The following SLC3A1 variants were observed in gnomAD, a reference collection of about 807,000 sequenced individuals.
SLC3A1 encodes the protein amino acid transporter heavy chain SLC3A1.
SLC3A1 carries 78 observed loss-of-function variants against 60.3 expected under a neutral mutation model. The observed-to-expected ratio is 1.29, with a 90% CI of 1.08 to 1.56. The LOEUF (loss-of-function observed/expected upper bound fraction) is 1.56, where lower values mean the gene tolerates loss of function less well. SLC3A1 is among the 40% of genes most tolerant of loss of function. SLC3A1 has a pLI of 0.00. For synonymous variants in SLC3A1, 392 were observed against 307.9 expected (o/e 1.27, Z -2.86); for missense variants, 1,172 against 858.9 (o/e 1.36, Z -4.56).
Position 44,281,543 on chromosome 2 carries a change from T to G in SLC3A1, c.765+2T>G. The G allele has an allele frequency of 1.2e-6, 2 of 1,613,896 alleles. No individual in the cohort carries two copies. Among genetic ancestry groups the G allele is most frequent in the Non-Finnish European group, 1.7e-6 (2 of 1,179,804 alleles). On this transcript the variant is annotated splice_donor_variant, in intron 3 of 9. Transcript: ENST00000260649. LOFTEE classifies it high-confidence loss of function. Reference sequence around the variant, plus strand: ...AAAACCATTCCACCCAACAACTGGGTAAGTATCAACCTGTCTGACTTACAA... The same window carrying G: ...AAAACCATTCCACCCAACAACTGGGGAAGTATCAACCTGTCTGACTTACAA...
intron 4 of SLC3A1, among the ~76,000 whole-genome samples, chr2:44,298,609 C>T (rs1262150993): frequency 2.6e-5 from 4 of 152,220 alleles, no homozygotes; most frequent in African/African-American, 7.2e-5. Flanking sequence ...AACTCCTGGC[C>T]TCAAGTGATC....
At chr2:44,311,557 T>C (rs374639583) in intron 7 of SLC3A1, among the ~76,000 whole-genome samples, 3 of 152,158 alleles carry the variant, frequency 2.0e-5, no homozygotes, top group African/African-American at 7.2e-5. Flanking sequence ...TCCAGAAGTC[T>C]TGAGAAATCA....
chr2:44,290,097 A>T (rs1671708484), intron 4 of SLC3A1, among the ~76,000 whole-genome samples: 1 of 143,130 alleles, frequency 7.0e-6, no homozygotes, highest in Non-Finnish European at 1.5e-5. Flanking sequence ...TAATTTTTAT[A>T]TAGGGTGTGA....
rs199703245 is a variant in SLC3A1 at position 44,304,135 on chromosome 2, T to C, written c.1137-8T>C. ...CCCGATGACACTGAACCTTGTCAAC[T>C]CTTATAGGTTCATGGGGACTGAAGC... On this transcript the variant is annotated splice_region_variant and splice_polypyrimidine_tract_variant and intron_variant, in intron 6 of 9. Transcript: ENST00000260649. 3 of 1,613,138 alleles carry C rather than the reference T, an allele frequency of 1.9e-6. No homozygotes were observed. Among genetic ancestry groups the C allele is most frequent in the East Asian group, 2.2e-5 (1 of 44,870 alleles).
intron 7 of SLC3A1, 27 bp downstream of exon 7, chr2:44,304,365 T>C (rs1672098732): frequency 3.2e-6 from 5 of 1,554,664 alleles, no homozygotes; most frequent in Non-Finnish European, 4.4e-6. Context: ...GCAGAGTACA[T>C]AATGTGCTGC....
rs537939280 is a variant in SLC3A1 at position 44,305,857 on chromosome 2, G to A, written c.1332+1519G>A. On this transcript the variant is annotated intron_variant, in intron 7 of 9. Transcript: ENST00000260649. ...GTCTCATCGTTTAGGTCTCAGGTAG[G>A]TGTCACCACAGGAAGCCTTCTGGAG... Among the ~76,000 whole-genome samples the A allele has an allele frequency of 1.8e-4, 27 of 152,214 alleles. No individual in the cohort carries two copies. The South Asian group carries it at 3.9e-3, about 22-fold the overall frequency.
downstream of SLC3A1, chr2:44,321,983 T>G: frequency 7.3e-7 from 1 of 1,366,042 alleles, no homozygotes. Flanking sequence ...CCCCTCTTCT[T>G]TGAGTACTCA....
intron 7 of SLC3A1, among the ~76,000 whole-genome samples, chr2:44,306,765 C>T (rs1040933405): frequency 6.6e-6 from 1 of 151,940 alleles, no homozygotes; most frequent in Non-Finnish European, 1.5e-5. Context: ...TCATGTTGGC[C>T]AGGCTGGTCT....
At chr2:44,304,487 C>T (rs1477997208) in intron 7 of SLC3A1, 149 bp downstream of exon 7, 2 of 692,126 alleles carry the variant, frequency 2.9e-6, no homozygotes, top group Admixed American at 4.3e-5. Context: ...GTCACAGCCT[C>T]TGCCAGGTTC....
In SLC3A1 at chr2:44,299,962, C is replaced by T. The variant is rs1335328608; in HGVS notation, c.892-9C>T. On this transcript the variant is annotated splice_polypyrimidine_tract_variant and intron_variant, in intron 4 of 9. Transcript: ENST00000260649. ...AATGTAACCAAGCATTTTGCTTCTT[C>T]ATCTTTAGGAAATTTTACGGTTCTG... 6 of 1,613,848 alleles carry T rather than the reference C, an allele frequency of 3.7e-6. No homozygotes were observed. In the Admixed American group the frequency reaches 8.3e-5, roughly 22 times the overall value.
chr2:44,307,917 C>T (rs1031785886), intron 7 of SLC3A1, among the ~76,000 whole-genome samples: 2 of 152,164 alleles, frequency 1.3e-5, no homozygotes, highest in Non-Finnish European at 2.9e-5. Flanking sequence ...TTTATTCCAG[C>T]ACCACATGCT....
chr2:44,278,689 A>C (rs144073966), intron 1 of SLC3A1, among the ~76,000 whole-genome samples: 19 of 152,222 alleles, frequency 1.2e-4, no homozygotes, highest in African/African-American at 4.6e-4. Flanking sequence ...TCTGAACTAG[A>C]AGGAGAAAAC....
intron 7 of SLC3A1, among the ~76,000 whole-genome samples, chr2:44,305,426 ACTTT>A (rs1238613108): frequency 6.6e-5 from 7 of 106,448 alleles, no homozygotes; most frequent in African/African-American, 2.7e-4. Context: ...TTCTTTTCTT[ACTTT>A]TTTTTTTTTT....
chr2:44,297,147 T>G (rs1322709210), intron 4 of SLC3A1, among the ~76,000 whole-genome samples: 1 of 152,214 alleles, frequency 6.6e-6, no homozygotes, highest in Non-Finnish European at 1.5e-5. Context: ...ATTGGCTGTT[T>G]AGTACTTTAC....
intron 4 of SLC3A1, among the ~76,000 whole-genome samples, chr2:44,294,851 G>A (rs1057080281): frequency 6.6e-6 from 1 of 152,138 alleles, no homozygotes; most frequent in Admixed American, 6.6e-5. Context: ...TTCTTGAGAT[G>A]GACAACCTGT....
intron 4 of SLC3A1, among the ~76,000 whole-genome samples, chr2:44,299,671 T>G (rs993124666): frequency 6.6e-6 from 1 of 152,236 alleles, no homozygotes; most frequent in African/African-American, 2.4e-5. Context: ...GGTTTCATTC[T>G]TTCATTTTTA....
At chr2:44,297,485 T>A (rs1217871029) in intron 4 of SLC3A1, among the ~76,000 whole-genome samples, 1 of 152,188 alleles carries the variant, frequency 6.6e-6, no homozygotes, top group Non-Finnish European at 1.5e-5. Flanking sequence ...TAGCTCTTCC[T>A]TCTCCTGCTG....
chr2:44,280,702 A>C lies in SLC3A1; in HGVS notation c.431-14A>C. On this transcript the variant is annotated splice_polypyrimidine_tract_variant and intron_variant, in intron 1 of 9. Coordinates refer to ENST00000260649, the MANE Select transcript of SLC3A1 (RefSeq NM_000341.4). ...AAAGTAGGGTTTATTCATGACTTTG[A>C]CTTTTTTCTTCAGGTATTCAAGATA... The C allele has an allele frequency of 6.3e-7, 1 of 1,587,542 alleles. No homozygotes were observed. Among genetic ancestry groups the C allele is most frequent in the Non-Finnish European group, 8.6e-7 (1 of 1,156,850 alleles).
chr2:44,287,810 T>C lies in SLC3A1; in HGVS notation c.891+1653T>C, dbSNP rs1047836094. On this transcript the variant is annotated intron_variant, in intron 4 of 9. Coordinates refer to ENST00000260649, the MANE Select transcript of SLC3A1 (RefSeq NM_000341.4). The stretch of plus-strand genomic sequence containing the variant: ...GGAGACCCTAACAGAACGGGGAGCA[T>C]TGGGTGCCTTTCCACAGCTCACCAC... Among the ~76,000 whole-genome samples the C allele has an allele frequency of 1.4e-4, 22 of 152,056 alleles. 1 individual carries two copies. The highest frequency in any genetic ancestry group is 1.2e-3 in the Admixed American group (18 of 15,262).
Sources: allele counts gnomAD v4.1 joint callset (sites outside exome capture counted in the v4.1 genomes callset), GRCh38; gene constraint gnomAD v4.1.1; transcripts MANE v1.5; gene names NCBI Gene and HGNC (gene_info 2026-07-23, HGNC 2026-07-21).